GFM1: variants seen among roughly 807,000 people sequenced by gnomAD.
GFM1 encodes elongation factor G, mitochondrial.
Under a neutral mutation model 96.2 loss-of-function variants are expected in GFM1, and 62 were observed. The observed-to-expected ratio is 0.64, with a 90% confidence interval of 0.53 to 0.80. The LOEUF (loss-of-function observed/expected upper bound fraction) is 0.80, where lower values mean the gene tolerates loss of function less well. GFM1 is among the 30% of genes least tolerant of loss of function. The pLI, the probability that GFM1 is intolerant of heterozygous loss-of-function variation, is 0.00. For missense variants in GFM1, 852 were observed against 916.6 expected, an observed-to-expected ratio of 0.93 and a Z score of 0.91; for synonymous variants, 282 against 312.9, an observed-to-expected ratio of 0.90 and a Z score of 1.04.
intron 12 of GFM1, 25 bp from the exon 13 acceptor site, chr3:158,666,279 A>C (rs7628497): frequency 2.6e-6 from 4 of 1,554,896 alleles, no homozygotes; most frequent in South Asian, 1.1e-5. Context: ...TTAAATTTAA[A>C]TAATATTTTC....
intron 8 of GFM1, among the ~76,000 whole-genome samples, chr3:158,658,236 G>A (rs951499592): frequency 7.0e-6 from 1 of 141,988 alleles, no homozygotes; most frequent in East Asian, 2.1e-4. Flanking sequence ...GTGCGATCTC[G>A]GCTCACTGCA....
At chr3:158,649,708 G>T in intron 5 of GFM1, 1 of 344,336 alleles carries the variant, frequency 2.9e-6, no homozygotes, top group East Asian at 4.7e-5. Flanking sequence ...CAGCTCTTGA[G>T]TGACCTTTAC....
At chr3:158,673,919 T>A (rs2108074944) in intron 13 of GFM1, among the ~76,000 whole-genome samples, 1 of 150,222 alleles carries the variant, frequency 6.7e-6, no homozygotes, top group East Asian at 1.9e-4. Context: ...AGTTTCATGC[T>A]TATTATTGTC....
In GFM1 at chr3:158,644,612, T is replaced by G. The variant is rs1438499681; in HGVS notation, c.-23T>G. ...TGAACCCACCCGGCGCCACGGGACT[T>G]TGACGCGTGCTCTGCGCTTGCCATG... On this transcript the variant is annotated 5_prime_UTR_variant, in exon 1 of 18. Transcript: ENST00000486715. The G allele has an allele frequency of 2.8e-5, 44 of 1,557,768 alleles. No individual in the cohort carries two copies. The highest frequency in any genetic ancestry group is 3.8e-5 in the Non-Finnish European group (44 of 1,151,060).
intron 7 of GFM1, among the ~76,000 whole-genome samples, chr3:158,654,127 C>T (rs1389990707): frequency 6.6e-6 from 1 of 150,622 alleles, no homozygotes. Context: ...TCTTTTCTTT[C>T]CCTATGAGAC....
chr3:158,655,270 G>C (rs1722652515), intron 8 of GFM1, among the ~76,000 whole-genome samples: 1 of 152,068 alleles, frequency 6.6e-6, no homozygotes, highest in Non-Finnish European at 1.5e-5. Flanking sequence ...CGGATCACAA[G>C]GTCAGGAGTT....
chr3:158,684,757 C>A (rs181704914), intron 15 of GFM1, 89 bp downstream of exon 15: 4 of 1,351,280 alleles, frequency 3.0e-6, no homozygotes, highest in East Asian at 2.3e-5. Context: ...GTCTTCTTCA[C>A]CCAGAGCACT....
intron 4 of GFM1, among the ~76,000 whole-genome samples, chr3:158,648,125 C>T (rs548361956): frequency 7.0e-4 from 106 of 152,200 alleles, no homozygotes; most frequent in African/African-American, 2.5e-3. Flanking sequence ...TCTTTCCTTG[C>T]AACATTTTTA....
rs151187757 is a variant in GFM1, at chr3:158,692,819, G to A, written c.*1352G>A. 3.4e-4 allele frequency among the ~76,000 whole-genome samples: 51 copies of A among 151,908 alleles called. 1 individual carries two copies. In the East Asian group the frequency reaches 8.5e-3, roughly 25 times the overall value. ...CAATTATCCCATCTCAGCTGCCTAA[G>A]TAGGTGGGACTACAGGTGTGCGCCA... On this transcript the variant is annotated 3_prime_UTR_variant, in exon 18 of 18. Coordinates refer to ENST00000486715, the MANE Select transcript of GFM1 (RefSeq NM_024996.7).
intron 13 of GFM1, chr3:158,669,626 C>T: frequency 6.2e-7 from 1 of 1,610,596 alleles, no homozygotes. Context: ...TGAAATTTAG[C>T]AAAATATCCT....
intron 13 of GFM1, chr3:158,666,959 C>T: frequency 1.9e-6 from 3 of 1,564,094 alleles, no homozygotes; most frequent in Non-Finnish European, 2.6e-6. Context: ...TGTGGCTATA[C>T]AAGGAGTCTC....
intron 13 of GFM1, chr3:158,672,378 A>C: frequency 6.2e-7 from 1 of 1,613,894 alleles, no homozygotes; most frequent in Non-Finnish European, 8.5e-7. Flanking sequence ...GACCTTCTGC[A>C]CCTCAAACAC....
intron 10 of GFM1, among the ~76,000 whole-genome samples, chr3:158,661,914 CAT>C (rs145450051): frequency 3.7e-4 from 57 of 152,180 alleles, no homozygotes; most frequent in African/African-American, 1.4e-3. Context: ...ACAAAAAAAA[CAT>C]AAATCTATAC....
intron 4 of GFM1, among the ~76,000 whole-genome samples, chr3:158,648,450 G>T (rs976452766): frequency 6.6e-6 from 1 of 151,954 alleles, no homozygotes; most frequent in South Asian, 2.1e-4. Context: ...AGGCCGAGGC[G>T]GGTGGATCAC....
chr3:158,654,699 T>C (rs1197341669), intron 8 of GFM1, 68 bp downstream of exon 8: 11 of 1,011,792 alleles, frequency 1.1e-5, no homozygotes, highest in Admixed American at 8.5e-5. Context: ...TTTATTCCTA[T>C]TACAGAATGA....
rs774777241 is a variant in GFM1 at position 158,648,945 on chromosome 3, A to G, written c.573-96A>G. ...ATGGTAACACCCTTCTCAGTTCTCCAGTGTCTGCCACTGATTTTTTAAAAT... is the reference window on the plus strand; with the variant it reads ...ATGGTAACACCCTTCTCAGTTCTCCGGTGTCTGCCACTGATTTTTTAAAAT... On this transcript the variant is annotated intron_variant, in intron 4 of 17. Transcript: ENST00000486715. 4.1e-6 allele frequency: 3 copies of G among 736,662 alleles called. No individual in the cohort carries two copies. In the East Asian group the frequency reaches 8.0e-5, roughly 20 times the overall value. The allele number at this position is 736,662 out of a possible 1,614,324, so 45.6% of individuals were successfully genotyped here.
intron 9 of GFM1, 101 bp from the exon 10 acceptor site, chr3:158,660,773 T>G: frequency 2.0e-6 from 2 of 976,476 alleles, no homozygotes; most frequent in East Asian, 4.8e-5. Context: ...TCTGCCACGC[T>G]TTTTTATATA....
Position 158,693,349 on chromosome 3 carries a change from A to G in GFM1, c.*1882A>G, listed in dbSNP as rs1726434507. On this transcript the variant is annotated 3_prime_UTR_variant, in exon 18 of 18. Transcript: ENST00000486715. ...CCTATGGCTATTGAGAATAGTCACA[A>G]CTACTGGAACTAAACTGGATAAATA... The G allele has an allele frequency of 6.6e-6, 1 of 152,236 alleles. No individual in the cohort carries two copies. The highest frequency in any genetic ancestry group is 2.4e-5 in the African/African-American group (1 of 41,460). The allele number at this position is 152,236 out of a possible 1,614,324, so 9.4% of individuals were successfully genotyped here. A position where few individuals can be genotyped will look rare whatever the true frequency, so the allele number is the denominator to read the frequency against.
At chr3:158,668,990 A>C in intron 13 of GFM1, 1 of 1,604,102 alleles carries the variant, frequency 6.2e-7, no homozygotes, top group Non-Finnish European at 8.5e-7. Context: ...TATAGAAACT[A>C]CTTACCACTT....
Sources: allele counts gnomAD v4.1 joint callset (sites outside exome capture counted in the v4.1 genomes callset), GRCh38; gene constraint gnomAD v4.1.1; transcripts MANE v1.5; gene names NCBI Gene and HGNC (gene_info 2026-07-23, HGNC 2026-07-21).